Variants in FGF3 observed in about 807,000 individuals in gnomAD.
FGF3 encodes FGF-3.
In FGF3, 7 loss-of-function variants were observed where a neutral mutation model predicts 9.8. That is an observed-to-expected ratio of 0.72 (90% confidence interval 0.41 to 1.35). The LOEUF is 1.35. Ranked by LOEUF, FGF3 falls within the 40% of genes most tolerant of loss-of-function variation. The pLI, the probability that FGF3 is intolerant of heterozygous loss-of-function variation, is 0.01. For synonymous variants in FGF3, 173 were observed against 157.2 expected (o/e 1.10, Z -0.75); for missense variants, 390 against 345.6 (o/e 1.13, Z -1.02).
intron 1 of FGF3, among the ~76,000 whole-genome samples, chr11:69,818,467 T>C (rs2119937794): frequency 6.6e-6 from 1 of 152,082 alleles, no homozygotes; most frequent in Non-Finnish European, 1.5e-5. Context: ...GCCCCCGAGT[T>C]CTGCTCGAAC....
chr11:69,810,774 C>T (rs2119907343), intron 2 of FGF3, 74 bp from the exon 3 acceptor site: 3 of 1,344,162 alleles, frequency 2.2e-6, no homozygotes, highest in East Asian at 5.0e-5. Context: ...TTGCCTGATG[C>T]CTCCCTCCCC....
At position 69,818,981 on chromosome 11, in the gene FGF3, G is replaced by C. The variant is rs1554981478; in HGVS notation, c.-48C>G. On this transcript the variant is annotated 5_prime_UTR_variant, in exon 1 of 3. Coordinates refer to ENST00000334134, the MANE Select transcript of FGF3 (RefSeq NM_005247.4). ...GGCGGCGGCGGCTGCAGGCGAGCGC[G>C]GCGCCCATGGAAGGGGCGGCAGCCG... 1.5e-6 allele frequency: 2 copies of C among 1,320,372 alleles called. No individual in the cohort carries two copies. The highest frequency in any genetic ancestry group is 2.0e-6 in the Non-Finnish European group (2 of 997,536). 81.8% of individuals were successfully genotyped at this position (1,320,372 alleles called of 1,614,324 possible).
At position 69,819,297 on chromosome 11, in the gene FGF3, C is replaced by T. The variant is rs1396039482; in HGVS notation, c.-364G>A. Among the ~76,000 whole-genome samples the T allele has an allele frequency of 1.3e-5, 2 of 151,328 alleles. No homozygotes were observed. The highest frequency in any genetic ancestry group is 1.3e-4 in the Admixed American group (2 of 15,230). On this transcript the variant is annotated 5_prime_UTR_variant, in exon 1 of 3. Transcript: ENST00000334134. ...GCGGGAGGCCGGCGGGTGGGGAGCC[C>T]CGCGGGGCTCGGGGTTCGGGCCGGG...
chr11:69,815,096 T>C (rs989707572), intron 2 of FGF3, among the ~76,000 whole-genome samples: 1 of 140,646 alleles, frequency 7.1e-6, no homozygotes, highest in Non-Finnish European at 1.5e-5. Context: ...GATGAGTGGA[T>C]GGGTGGATAG....
At chr11:69,815,847 C>T (rs781836372) in intron 2 of FGF3, among the ~76,000 whole-genome samples, 2 of 152,142 alleles carry the variant, frequency 1.3e-5, no homozygotes, top group Non-Finnish European at 2.9e-5. Context: ...TCCCCCTTCC[C>T]CTCCTAGGCT....
chr11:69,817,007 G>A (rs748549800), intron 1 of FGF3, among the ~76,000 whole-genome samples: 1 of 152,194 alleles, frequency 6.6e-6, no homozygotes, highest in African/African-American at 2.4e-5. Context: ...TGTACTCGCC[G>A]GGGGACCTGG....
In FGF3 at chr11:69,818,848, G is replaced by A. The variant is rs781998314; in HGVS notation, c.86C>T (p.Ala29Val). 2.0e-6 allele frequency: 3 copies of A among 1,469,962 alleles called. No individual in the cohort carries two copies. Among genetic ancestry groups the A allele is most frequent in the Admixed American group, 2.4e-5 (1 of 41,518 alleles). 91.1% of individuals were successfully genotyped at this position (1,469,962 alleles called of 1,614,324 possible). The change falls in exon 1 of 3, where the codon GCG (alanine) becomes GTG (valine). Residue 29 changes from alanine (A) to valine (V), a missense_variant. By Grantham distance (64) the Ala-to-Val change is moderately conservative. Transcript: ENST00000334134. ...AGPGARLRRD[A>V]GGRGGVYEHL... ...CTCGTAGACGCCGCCACGGCCGCCCGCATCGCGCCGCAACCGCGCCCCAGG... is the reference window on the plus strand; with the variant it reads ...CTCGTAGACGCCGCCACGGCCGCCCACATCGCGCCGCAACCGCGCCCCAGG...
intron 1 of FGF3, 88 bp from the exon 2 acceptor site, chr11:69,816,511 G>C (rs559883318): frequency 2.1e-6 from 2 of 974,464 alleles, no homozygotes; most frequent in African/African-American, 3.2e-5. Context: ...GCCACACCCC[G>C]GGCTCAGGGC....
intron 2 of FGF3, among the ~76,000 whole-genome samples, chr11:69,811,529 G>C (rs191566659): frequency 6.6e-6 from 1 of 152,080 alleles, no homozygotes; most frequent in East Asian, 1.9e-4. Flanking sequence ...AAAGCAGGAA[G>C]GGAAGGGGAC....
Position 69,818,816 on chromosome 11 carries a change from C to G in FGF3, c.118G>C (p.Gly40Arg), listed in dbSNP as rs1554981406. The G allele has an allele frequency of 3.4e-6, 5 of 1,489,456 alleles. No homozygotes were observed. In the African/African-American group the frequency reaches 7.3e-5, roughly 22 times the overall value. 92.3% of individuals were successfully genotyped at this position (1,489,456 alleles called of 1,614,324 possible). A position where few individuals can be genotyped will look rare whatever the true frequency, so the allele number is the denominator to read the frequency against. Reference protein sequence around the residue: ...GGRGGVYEHLGGAPRRRKLYC... With the variant: ...GGRGGVYEHLRGAPRRRKLYC... The stretch of plus-strand genomic sequence containing the variant: ...AGCTTGCGGCGCCGGGGCGCCCCGC[C>G]AAGGTGCTCGTAGACGCCGCCACGG... Residue 40 changes from glycine (G) to arginine (R), a missense_variant, in exon 1 of 3, where the codon GGC becomes CGC. By Grantham distance (125) the Gly-to-Arg change is moderately radical. Coordinates refer to ENST00000334134, the MANE Select transcript of FGF3 (RefSeq NM_005247.4).
In FGF3 at chr11:69,817,006, C is replaced by G. The variant is rs1425258095; in HGVS notation, c.221-583G>C. Among the ~76,000 whole-genome samples, 4 of 152,290 alleles carry G rather than the reference C, an allele frequency of 2.6e-5. No homozygotes were observed. The East Asian group carries it at 7.7e-4, about 29-fold the overall frequency. ...CCTGGCGGGAGATCATTGTACTCGCCGGGGGACCTGGAAGGGCAGGAAGCC... is the reference window on the plus strand; with the variant it reads ...CCTGGCGGGAGATCATTGTACTCGCGGGGGGACCTGGAAGGGCAGGAAGCC... On this transcript the variant is annotated intron_variant, in intron 1 of 2. Transcript: ENST00000334134.
chr11:69,818,692 C>T lies in FGF3; in HGVS notation c.220+22G>A, dbSNP rs1339397798. ...CCTCCCGGCGCCGCTTCCCCCGGGG[C>T]CCCGCAGCGTCCGGCACTCACTGTA... is the stretch of plus-strand genomic sequence containing the variant. On this transcript the variant is annotated intron_variant, in intron 1 of 2. Transcript: ENST00000334134. 3.4e-6 allele frequency: 5 copies of T among 1,456,952 alleles called. No individual in the cohort carries two copies. In the East Asian group the frequency reaches 1.5e-4, roughly 44 times the overall value. 90.3% of individuals were successfully genotyped at this position (1,456,952 alleles called of 1,614,324 possible).
intron 1 of FGF3, 78 bp from the exon 2 acceptor site, chr11:69,816,501 G>C (rs1315711937): frequency 9.1e-7 from 1 of 1,100,174 alleles, no homozygotes; most frequent in East Asian, 2.4e-5. Flanking sequence ...CCTGCCCAAA[G>C]CCACACCCCG....
chr11:69,818,517 G>A (rs11263594), intron 1 of FGF3, among the ~76,000 whole-genome samples, 197 bp downstream of exon 1: 2 of 152,052 alleles, frequency 1.3e-5, no homozygotes, highest in African/African-American at 4.8e-5. Context: ...AGGTTGAGGA[G>A]GGCACCCTGG....
chr11:69,818,027 G>A (rs1856168928), intron 1 of FGF3, among the ~76,000 whole-genome samples: 2 of 152,192 alleles, frequency 1.3e-5, no homozygotes, highest in African/African-American at 4.8e-5. Flanking sequence ...CGACGGCGAG[G>A]GCCTCCACCC....
Position 69,810,498 on chromosome 11 carries a change from G to A in FGF3, c.527C>T (p.Ser176Phe). 1 of 1,610,402 alleles carries A rather than the reference G, an allele frequency of 6.2e-7. No individual in the cohort carries two copies. The highest frequency in any genetic ancestry group is 8.5e-7 in the Non-Finnish European group (1 of 1,178,704). The change falls in exon 3 of 3, where the codon TCC becomes TTC. Residue 176 changes from serine to phenylalanine, a missense_variant. Physicochemically the swap from Ser to Phe is radical, Grantham distance 155 (BLOSUM62 -2). Coordinates refer to ENST00000334134, the MANE Select transcript of FGF3 (RefSeq NM_005247.4). Reference protein sequence around the residue: ...GFKTRRTQKSSLFLPRVLDHR... With the variant: ...GFKTRRTQKSFLFLPRVLDHR... ...GTCCAGCACGCGGGGCAGGAACAGG[G>A]AGGACTTCTGTGTGCGGCGGGTCTT...
chr11:69,818,125 A>C, intron 1 of FGF3, among the ~76,000 whole-genome samples: 1 of 151,898 alleles, frequency 6.6e-6, no homozygotes, highest in East Asian at 1.9e-4. Flanking sequence ...CGGCCAGGGA[A>C]CCGAGCTCCG....
chr11:69,813,656 A>G (rs376807653), intron 2 of FGF3, among the ~76,000 whole-genome samples: 6,103 of 93,462 alleles, frequency 0.065, 128 homozygotes, highest in Middle Eastern at 0.087. Flanking sequence ...GGGTGGATGG[A>G]TGGATGGGTG....
intron 2 of FGF3, among the ~76,000 whole-genome samples, chr11:69,813,450 T>C (rs188706165): frequency 3.4e-4 from 52 of 152,334 alleles, no homozygotes; most frequent in African/African-American, 1.2e-3. Flanking sequence ...GATTTGCTTT[T>C]TTAGGAAGCC....
Sources: allele counts gnomAD v4.1 joint callset (sites outside exome capture counted in the v4.1 genomes callset), GRCh38; gene constraint gnomAD v4.1.1; transcripts MANE v1.5; gene names NCBI Gene and HGNC (gene_info 2026-07-23, HGNC 2026-07-21).